Variants in RAVER2 observed in about 807,000 individuals in gnomAD.
The protein encoded by RAVER2 is ribonucleoprotein PTB-binding 2.
In RAVER2, 46 loss-of-function variants were observed where a neutral mutation model predicts 78.1. The observed-to-expected ratio is 0.59, with a 90% CI of 0.46 to 0.75. RAVER2 has a LOEUF of 0.75. Ranked by LOEUF, RAVER2 falls within the 30% of genes least tolerant of loss-of-function variation. RAVER2 has a pLI of 0.00. For missense variants in RAVER2, 793 were observed against 837.5 expected, an observed-to-expected ratio of 0.95 and a Z score of 0.66; for synonymous variants, 311 against 313.3, an observed-to-expected ratio of 0.99 and a Z score of 0.08.
At chr1:64,825,868 C>T (rs982706562) in intron 11 of RAVER2, among the ~76,000 whole-genome samples, 9 of 152,128 alleles carry the variant, frequency 5.9e-5, no homozygotes, top group African/African-American at 1.7e-4. Flanking sequence ...AATAAAATAG[C>T]GACTGCATAG....
chr1:64,813,018 C>T (rs754556781), intron 10 of RAVER2, among the ~76,000 whole-genome samples, 169 bp downstream of exon 10: 32 of 152,242 alleles, frequency 2.1e-4, no homozygotes, highest in Admixed American at 3.3e-4. Context: ...ACTCAAAATG[C>T]GTGCTATTTT....
At chr1:64,773,351 C>G (rs966159807) in intron 2 of RAVER2, among the ~76,000 whole-genome samples, 1 of 151,984 alleles carries the variant, frequency 6.6e-6, no homozygotes, top group South Asian at 2.1e-4. Flanking sequence ...CACCCCCCGA[C>G]AGGCCCCAGT....
At position 64,745,295 on chromosome 1, in the gene RAVER2, C is replaced by T. The variant is rs764073733; in HGVS notation, c.123C>T (p.Ala41=). ...CCTCAGCCGAAGCGCACGAGGGCGC[C>T]CCGGACCCGATGCCCGCCGCGCTGC... Residue 41 remains alanine (A), a synonymous_variant, in exon 1 of 12, where the codon GCC becomes GCT. Coordinates refer to ENST00000294428, the Ensembl canonical transcript of RAVER2. The surrounding 1 kb of genome is among the most constrained non-coding windows in gnomAD (Gnocchi z 4.3). 6.7e-6 allele frequency: 10 copies of T among 1,496,132 alleles called. No homozygotes were observed. The African/African-American group carries it at 8.8e-5, about 13-fold the overall frequency. The allele number at this position is 1,496,132 out of a possible 1,614,324, so 92.7% of individuals were successfully genotyped here.
At chr1:64,793,929 GC>G (rs1435463844) in intron 5 of RAVER2, among the ~76,000 whole-genome samples, 17 of 152,170 alleles carry the variant, frequency 1.1e-4, no homozygotes, top group African/African-American at 4.1e-4. Flanking sequence ...TCTATAATTT[GC>G]TTATTCATTG....
intron 2 of RAVER2, among the ~76,000 whole-genome samples, chr1:64,770,522 A>C (rs781104671): frequency 7.9e-5 from 12 of 152,060 alleles, no homozygotes; most frequent in Non-Finnish European, 1.3e-4. Context: ...GACACCCAAC[A>C]AAGTGAAATT....
intron 10 of RAVER2, among the ~76,000 whole-genome samples, chr1:64,813,749 G>T (rs1297724830): frequency 2.7e-5 from 4 of 150,602 alleles, no homozygotes; most frequent in East Asian, 1.9e-4. Flanking sequence ...TATTGATCTG[G>T]TCTAAAAATT....
intron 11 of RAVER2, among the ~76,000 whole-genome samples, chr1:64,822,170 C>T (rs764809311): frequency 4.1e-4 from 62 of 152,014 alleles, no homozygotes; most frequent in Non-Finnish European, 7.8e-4. Flanking sequence ...CGCCTGTAGT[C>T]CCAGCTACTC....
At chr1:64,828,680 T>G (rs1329750003) in intron 11 of RAVER2, among the ~76,000 whole-genome samples, 1 of 152,030 alleles carries the variant, frequency 6.6e-6, no homozygotes, top group Non-Finnish European at 1.5e-5. Flanking sequence ...TTTAAATTTT[T>G]AATTGTGATA....
rs1651490861 is a variant in RAVER2 at position 64,745,248 on chromosome 1, C to T, written c.76C>T (p.Pro26Ser). 2.5e-6 allele frequency: 3 copies of T among 1,195,980 alleles called. No individual in the cohort carries two copies. Among genetic ancestry groups the T allele is most frequent in the Non-Finnish European group, 3.1e-6 (3 of 957,854 alleles). 74.1% of individuals were successfully genotyped at this position (1,195,980 alleles called of 1,614,324 possible). Residue 26 changes from proline to serine, a missense_variant, in exon 1 of 12, where the codon CCG becomes TCG. Physicochemically the swap from Pro to Ser is moderately conservative, Grantham distance 74. Transcript: ENST00000294428. The surrounding 1 kb of genome is among the most constrained non-coding windows in gnomAD (Gnocchi z 4.3). The stretch of plus-strand genomic sequence containing the variant: ...CAGCGCGGCGGGGCTGGGGCCGGGG[C>T]CGGGGCTGCGCGGGCAGGGCCCCTC...
intron 5 of RAVER2, among the ~76,000 whole-genome samples, chr1:64,797,717 A>G (rs1379181650): frequency 6.6e-6 from 1 of 152,124 alleles, no homozygotes; most frequent in Non-Finnish European, 1.5e-5. Context: ...TTTTTTTGAT[A>G]TTAAAGTAGC....
intron 2 of RAVER2, among the ~76,000 whole-genome samples, chr1:64,773,106 G>C (rs1570542072): frequency 6.6e-6 from 1 of 152,266 alleles, no homozygotes; most frequent in East Asian, 1.9e-4. Flanking sequence ...GGGAGACAGA[G>C]TCTAGGTTAA....
chr1:64,822,571 A>G (rs574218120), intron 11 of RAVER2, among the ~76,000 whole-genome samples: 10 of 152,332 alleles, frequency 6.6e-5, no homozygotes, highest in South Asian at 2.1e-4. Context: ...GGGAATCCTC[A>G]TACAGTGCTG....
intron 9 of RAVER2, among the ~76,000 whole-genome samples, chr1:64,811,199 C>T (rs1230728289): frequency 3.9e-5 from 6 of 152,118 alleles, no homozygotes; most frequent in Non-Finnish European, 8.8e-5. Flanking sequence ...GTAGTGTGTA[C>T]CGTACTACTG....
chr1:64,815,965 G>C (rs554554185), intron 11 of RAVER2: 12 of 152,146 alleles, frequency 7.9e-5, no homozygotes, highest in African/African-American at 2.9e-4. Flanking sequence ...TCCTTTATTA[G>C]ATAACATTTG....
At chr1:64,782,895 G>A (rs992530372) in intron 4 of RAVER2, among the ~76,000 whole-genome samples, 1 of 151,938 alleles carries the variant, frequency 6.6e-6, no homozygotes, top group Non-Finnish European at 1.5e-5. Context: ...CCTACCCCGC[G>A]ACAGGCCCTG....
chr1:64,754,621 G>A (rs960683702), intron 1 of RAVER2, among the ~76,000 whole-genome samples: 1 of 152,174 alleles, frequency 6.6e-6, no homozygotes, highest in East Asian at 1.9e-4. Flanking sequence ...GTTGAAAGCT[G>A]TAAACCCTCC....
chr1:64,762,798 G>A (rs948461545), intron 1 of RAVER2, among the ~76,000 whole-genome samples: 1 of 152,142 alleles, frequency 6.6e-6, no homozygotes, highest in Non-Finnish European at 1.5e-5. Context: ...AGATAGATCA[G>A]TGTCTTCATG....
At chr1:64,781,838 G>C (rs554092362) in intron 4 of RAVER2, among the ~76,000 whole-genome samples, 7 of 152,226 alleles carry the variant, frequency 4.6e-5, no homozygotes, top group African/African-American at 1.7e-4. Context: ...CATTTATTCA[G>C]CAAATATTGA....
chr1:64,796,109 A>G (rs1653088696), intron 5 of RAVER2, among the ~76,000 whole-genome samples: 1 of 152,032 alleles, frequency 6.6e-6, no homozygotes, highest in African/African-American at 2.4e-5. Context: ...ATGTTATACC[A>G]ACCTTTTATT....
Sources: allele counts gnomAD v4.1 joint callset (sites outside exome capture counted in the v4.1 genomes callset), GRCh38; gene constraint gnomAD v4.1.1; non-coding constraint Gnocchi (gnomAD v3.1); transcripts MANE v1.5; gene names NCBI Gene and HGNC (gene_info 2026-07-23, HGNC 2026-07-21).